DNAJA2: variants seen among roughly 807,000 people sequenced by gnomAD.
DNAJA2 encodes DnaJ heat shock protein family (Hsp40) member A2, also known as dnaJ homolog subfamily A member 2.
DNAJA2 carries 6 observed loss-of-function variants against 49.3 expected under a neutral mutation model. The ratio of observed to expected loss-of-function variants is 0.12; its 90% CI spans 0.07 to 0.24. The LOEUF is 0.24. DNAJA2 is among the 10% of genes least tolerant of loss of function. The pLI is 1.00. For missense variants in DNAJA2, 347 were observed against 516.8 expected (o/e 0.67, Z 3.19); for synonymous variants, 160 against 172.7 (o/e 0.93, Z 0.58).
chr16:46,970,556 G>A (rs111757036), intron 3 of DNAJA2, among the ~76,000 whole-genome samples: 6 of 150,166 alleles, frequency 4.0e-5, no homozygotes, highest in Admixed American at 6.7e-5. Context: ...CCAACATGGC[G>A]AAACCCTGTC....
intron 6 of DNAJA2, among the ~76,000 whole-genome samples, chr16:46,962,741 G>A (rs541702248): frequency 3.3e-5 from 5 of 152,164 alleles, no homozygotes; most frequent in Non-Finnish European, 7.3e-5. Context: ...TTTGACAACC[G>A]AGGAGACGTT....
At chr16:46,972,303 A>C in intron 1 of DNAJA2, 1 of 210,358 alleles carries the variant, frequency 4.8e-6, no homozygotes. Context: ...CGACCCTAAT[A>C]AATTCGAGAT....
intron 6 of DNAJA2, among the ~76,000 whole-genome samples, chr16:46,962,371 C>T (rs1435562754): frequency 6.6e-6 from 1 of 151,768 alleles, no homozygotes; most frequent in Non-Finnish European, 1.5e-5. Flanking sequence ...TTTGACATGC[C>T]TCAAACCAAA....
intron 3 of DNAJA2, among the ~76,000 whole-genome samples, chr16:46,970,896 G>A (rs902058666): frequency 1.3e-5 from 2 of 151,722 alleles, no homozygotes; most frequent in African/African-American, 4.8e-5. Context: ...AAATTAGCCG[G>A]GTGTGTTGGC....
At chr16:46,958,134 C>G (rs1478417566) in intron 8 of DNAJA2, among the ~76,000 whole-genome samples, 1 of 152,172 alleles carries the variant, frequency 6.6e-6, no homozygotes, top group Non-Finnish European at 1.5e-5. Flanking sequence ...GTCTGGACAA[C>G]ATAGCAACAT....
At chr16:46,958,369 CTAACATGGT>C (rs1961846175) in intron 8 of DNAJA2, among the ~76,000 whole-genome samples, 1 of 152,046 alleles carries the variant, frequency 6.6e-6, no homozygotes, top group African/African-American at 2.4e-5. Context: ...TCTAACATGG[CTAACATGGT>C]GAAACCCTGT....
intron 8 of DNAJA2, 94 bp from the exon 9 acceptor site, chr16:46,957,314 A>G (rs1596653742): frequency 8.2e-7 from 1 of 1,220,034 alleles, no homozygotes; most frequent in Non-Finnish European, 1.1e-6. Flanking sequence ...AAGAGTTTAA[A>G]AAGGGGCTGG....
At chr16:46,971,661 TAAAAA>T in intron 2 of DNAJA2, 89 bp from the exon 3 acceptor site, 1 of 465,862 alleles carries the variant, frequency 2.1e-6, no homozygotes, top group Non-Finnish European at 3.6e-6. Flanking sequence ...CATTTAATTC[TAAAAA>T]AAAAAAAAAA....
At position 46,967,510 on chromosome 16, in the gene DNAJA2, T is replaced by C. The variant is rs1283603937; in HGVS notation, c.577+3A>G. The C allele has an allele frequency of 6.2e-7, 1 of 1,614,084 alleles. No homozygotes were observed. The highest frequency in any genetic ancestry group is 8.5e-7 in the Non-Finnish European group (1 of 1,179,982). Reference sequence around the variant, plus strand: ...AAAAGCAGAGAAGTACTGGCACACATACCTTCTCCATTACAATCAGAGCAC... The same window carrying C: ...AAAAGCAGAGAAGTACTGGCACACACACCTTCTCCATTACAATCAGAGCAC... On this transcript the variant is annotated splice_donor_region_variant and intron_variant, in intron 5 of 8. Coordinates refer to ENST00000317089, the MANE Select transcript of DNAJA2 (RefSeq NM_005880.4).
Position 46,973,516 on chromosome 16 carries a change from G to T in DNAJA2, c.57C>A (p.Ala19=). The T allele has an allele frequency of 6.2e-7, 1 of 1,602,880 alleles. No homozygotes were observed. Residue 19 remains alanine, a synonymous_variant, in exon 1 of 9, where the codon GCC becomes GCA. Transcript: ENST00000317089. ...LYDILGVPPG[A]SENELKKAYR... ...ATACCTTCTTCAGCTCGTTCTCGCT[G>T]GCGCCGGGCGGGACGCCCAGGATGT...
At position 46,956,987 on chromosome 16, in the gene DNAJA2, A is replaced by T; in HGVS notation, c.*42T>A. 6.2e-7 allele frequency: 1 copy of T among 1,607,994 alleles called. No homozygotes were observed. Among genetic ancestry groups the T allele is most frequent in the Non-Finnish European group, 8.5e-7 (1 of 1,174,446 alleles). On this transcript the variant is annotated 3_prime_UTR_variant, in exon 9 of 9. Transcript: ENST00000317089. The stretch of plus-strand genomic sequence containing the variant: ...TGGATTGCTGAGAACAAATCAGGCA[A>T]ATGTGGAAAGAAAATCCACCTGTGC...
intron 6 of DNAJA2, among the ~76,000 whole-genome samples, chr16:46,960,267 A>C (rs1416170414): frequency 6.6e-6 from 1 of 152,208 alleles, no homozygotes; most frequent in African/African-American, 2.4e-5. Flanking sequence ...GCTTCAGGAA[A>C]CTTGTTAGGA....
chr16:46,958,753 T>TG (rs1961853217), intron 8 of DNAJA2: 1 of 349,148 alleles, frequency 2.9e-6, no homozygotes, highest in Non-Finnish European at 5.2e-6. Flanking sequence ...CACTCCAGCT[T>TG]GGGTGACACA....
chr16:46,957,130 G>C lies in DNAJA2; in HGVS notation c.1138C>G (p.Arg380Gly), dbSNP rs1179785284. 5.0e-6 allele frequency: 8 copies of C among 1,613,924 alleles called. No homozygotes were observed. The highest frequency in any genetic ancestry group is 6.8e-6 in the Non-Finnish European group (8 of 1,180,014). ...CGCCTCTGACCACCTCCTGAGCCTC[G>C]AGTGCTATCAAATTCCTGAAGCTCT... is the stretch of plus-strand genomic sequence containing the variant. ...EVELQEFDST[R>G]GSGGGQRREA... The change falls in exon 9 of 9, where the codon CGA becomes GGA. Residue 380 changes from arginine to glycine, a missense_variant. Arg to Gly is a moderately radical substitution (Grantham distance 125, BLOSUM62 -2). Transcript: ENST00000317089.
intron 3 of DNAJA2, 40 bp from the exon 4 acceptor site, chr16:46,968,204 AT>A (rs1416530496): frequency 5.6e-6 from 8 of 1,427,566 alleles, no homozygotes; most frequent in Non-Finnish European, 7.7e-6. Context: ...ATTTTGCCAC[AT>A]TTTGTCAAAT....
intron 6 of DNAJA2, among the ~76,000 whole-genome samples, chr16:46,960,104 A>AC (rs1327342872): frequency 6.6e-6 from 1 of 152,206 alleles, no homozygotes; most frequent in Admixed American, 6.5e-5. Flanking sequence ...TACAATGGTC[A>AC]CTCTTCTTGT....
chr16:46,967,228 A>G (rs1961984890), intron 5 of DNAJA2, among the ~76,000 whole-genome samples: 1 of 152,122 alleles, frequency 6.6e-6, no homozygotes, highest in Non-Finnish European at 1.5e-5. Flanking sequence ...CTGGGACCAC[A>G]GACATGCCCT....
intron 7 of DNAJA2, 49 bp from the exon 8 acceptor site, chr16:46,959,179 C>T (rs1469361285): frequency 6.4e-7 from 1 of 1,572,694 alleles, no homozygotes; most frequent in Admixed American, 1.9e-5. Context: ...AAGAGGTGTT[C>T]AATTTTTTTT....
Position 46,967,574 on chromosome 16 carries a change from T to C in DNAJA2, c.516A>G (p.Arg172=), listed in dbSNP as rs749201446. 57 of 1,614,052 alleles carry C rather than the reference T, an allele frequency of 3.5e-5. No homozygotes were observed. Among genetic ancestry groups the C allele is most frequent in the Non-Finnish European group, 9.3e-6 (11 of 1,180,048 alleles). ...CRGRGVRIMI[R]QLAPGMVQQM... ...GTTGTACCATCCCTGGAGCCAGCTG[T>C]CTGATCATGATGCGCACACCTCGAC... Residue 172 remains arginine, a synonymous_variant, in exon 5 of 9, where the codon AGA becomes AGG. Transcript: ENST00000317089.
Sources: allele counts gnomAD v4.1 joint callset (sites outside exome capture counted in the v4.1 genomes callset), GRCh38; gene constraint gnomAD v4.1.1; transcripts MANE v1.5; gene names NCBI Gene and HGNC (gene_info 2026-07-23, HGNC 2026-07-21).